Variants in TLK2 observed in about 807,000 individuals in gnomAD.
TLK2 encodes the protein tousled like kinase 2.
In TLK2, 6 loss-of-function variants were observed where a neutral mutation model predicts 117.3. That is an observed-to-expected ratio of 0.05 (90% CI 0.03 to 0.10). The LOEUF (loss-of-function observed/expected upper bound fraction) is 0.10. TLK2 is among the 10% of genes least tolerant of loss of function. The pLI, the probability that TLK2 is intolerant of heterozygous loss-of-function variation, is 1.00. For synonymous variants in TLK2, 257 were observed against 316.7 expected, an observed-to-expected ratio of 0.81 and a Z score of 2.00; for missense variants, 299 against 901.2, an observed-to-expected ratio of 0.33 and a Z score of 8.56.
At chr17:62,611,822 A>T (rs1338107492) in intron 21 of TLK2, 1 of 152,206 alleles carries the variant, frequency 6.6e-6, no homozygotes, top group Non-Finnish European at 1.5e-5. Context: ...TCCGTGTGCA[A>T]CCCCACTCAC....
At position 62,587,402 on chromosome 17, in the gene TLK2, G is replaced by T. The variant is rs115207138; in HGVS notation, c.1460+1176G>T. 5.3e-3 allele frequency among the ~76,000 whole-genome samples: 798 copies of T among 151,996 alleles called. 5 individuals are homozygous for T. The highest frequency in any genetic ancestry group is 0.018 in the African/African-American group (758 of 41,444). Reference sequence around the variant, plus strand: ...CCTCCTTTCTATAAAGGCAGTCTTGGTTTTTTTTGGTGTTTTGTTTGTTTG... The same window carrying T: ...CCTCCTTTCTATAAAGGCAGTCTTGTTTTTTTTTGGTGTTTTGTTTGTTTG... On this transcript the variant is annotated intron_variant, in intron 16 of 21. Transcript: ENST00000346027.
chr17:62,525,425 T>C (rs536150945), intron 6 of TLK2, among the ~76,000 whole-genome samples: 3 of 151,980 alleles, frequency 2.0e-5, no homozygotes, highest in African/African-American at 7.2e-5. Context: ...TGGCTATTAC[T>C]GTGTCATCCT....
chr17:62,608,503 G>A (rs1486839286), intron 21 of TLK2, among the ~76,000 whole-genome samples: 1 of 152,178 alleles, frequency 6.6e-6, no homozygotes, highest in Non-Finnish European at 1.5e-5. Context: ...GATTAATTTG[G>A]GGAGCTAATG....
chr17:62,582,208 G>T (rs2081271714), intron 15 of TLK2, among the ~76,000 whole-genome samples: 1 of 151,894 alleles, frequency 6.6e-6, no homozygotes, highest in African/African-American at 2.4e-5. Flanking sequence ...GTCAGTTTTG[G>T]TAATTTAATT....
intron 6 of TLK2, among the ~76,000 whole-genome samples, chr17:62,526,608 A>G (rs2465437): frequency 0.33 from 49,617 of 151,870 alleles, 8,288 homozygotes; most frequent in Admixed American, 0.39. Context: ...GTACTGCTTG[A>G]GCATGTCCAA....
intron 2 of TLK2, among the ~76,000 whole-genome samples, chr17:62,506,222 C>G (rs914474917): frequency 1.3e-4 from 20 of 152,232 alleles, no homozygotes; most frequent in Non-Finnish European, 5.9e-5. Flanking sequence ...TGGTGGAAAG[C>G]TCTCCCAACT....
chr17:62,573,083 C>A (rs908430723), intron 11 of TLK2, 132 bp from the exon 12 acceptor site: 93 of 1,001,342 alleles, frequency 9.3e-5, no homozygotes, highest in Non-Finnish European at 3.3e-5. Flanking sequence ...AAGTTAAAAT[C>A]AAATCTCTAC....
intron 2 of TLK2, among the ~76,000 whole-genome samples, chr17:62,506,585 T>C (rs1279931178): frequency 6.6e-6 from 1 of 152,214 alleles, no homozygotes; most frequent in Non-Finnish European, 1.5e-5. Context: ...CTAAACTTAT[T>C]GGTCACTGAA....
chr17:62,547,291 T>A (rs1212760977), intron 7 of TLK2, among the ~76,000 whole-genome samples: 3 of 152,166 alleles, frequency 2.0e-5, no homozygotes, highest in African/African-American at 7.2e-5. Flanking sequence ...AAAATGTATT[T>A]AGCTTAGTGG....
intron 2 of TLK2, among the ~76,000 whole-genome samples, chr17:62,485,678 G>T (rs1050567204): frequency 4.0e-4 from 52 of 128,732 alleles, no homozygotes; most frequent in Admixed American, 2.0e-3. Flanking sequence ...CTGATGAGGG[G>T]AAAGTAGTAA....
chr17:62,495,940 A>G (rs1442307747), intron 2 of TLK2, among the ~76,000 whole-genome samples: 8 of 151,950 alleles, frequency 5.3e-5, no homozygotes, highest in African/African-American at 1.9e-4. Context: ...TGCTGTGATT[A>G]CAGGTGTAAG....
intron 7 of TLK2, among the ~76,000 whole-genome samples, chr17:62,547,049 T>A (rs535909601): frequency 6.6e-6 from 1 of 152,340 alleles, no homozygotes; most frequent in East Asian, 1.9e-4. Context: ...TCTCTGAACC[T>A]ATTTTATTTT....
At chr17:62,572,563 A>G (rs894346739) in intron 11 of TLK2, among the ~76,000 whole-genome samples, 1 of 152,162 alleles carries the variant, frequency 6.6e-6, no homozygotes, top group South Asian at 2.1e-4. Flanking sequence ...ATACTAATTC[A>G]TTTTGTATAC....
At chr17:62,562,800 C>T (rs1243153941) in intron 10 of TLK2, among the ~76,000 whole-genome samples, 1 of 152,180 alleles carries the variant, frequency 6.6e-6, no homozygotes, top group African/African-American at 2.4e-5. Context: ...AGCAGTTCCT[C>T]TCCTGGCATT....
intron 2 of TLK2, among the ~76,000 whole-genome samples, chr17:62,482,650 C>T (rs2071821606): frequency 6.6e-6 from 1 of 151,968 alleles, no homozygotes; most frequent in Non-Finnish European, 1.5e-5. Flanking sequence ...AGGGTTTCTC[C>T]ATGTTGGCCA....
chr17:62,557,957 T>C (rs2078979854), intron 9 of TLK2, among the ~76,000 whole-genome samples: 1 of 152,148 alleles, frequency 6.6e-6, no homozygotes, highest in Admixed American at 6.6e-5. Flanking sequence ...AAGGAGTAGA[T>C]AAATAAAAAA....
chr17:62,511,799 A>C (rs915518947), intron 2 of TLK2, among the ~76,000 whole-genome samples: 4 of 152,202 alleles, frequency 2.6e-5, no homozygotes, highest in African/African-American at 9.6e-5. Context: ...AGTACACTTT[A>C]CTTAACCATT....
Position 62,574,424 on chromosome 17 carries a change from A to T in TLK2, c.1121+1057A>T, listed in dbSNP as rs1171659024. 5 of 1,106,824 alleles carry T rather than the reference A, an allele frequency of 4.5e-6. No homozygotes were observed. The East Asian group carries it at 1.3e-4, about 28-fold the overall frequency. The allele number at this position is 1,106,824 out of a possible 1,614,324, so 68.6% of individuals were successfully genotyped here. ...CAGTTTACTTAGGTGAGATGAACAG[A>T]CGAATAAACTAATAATTACATTAAG... On this transcript the variant is annotated intron_variant, in intron 12 of 21. Coordinates refer to ENST00000346027, the MANE Select transcript of TLK2 (RefSeq NM_006852.6).
intron 6 of TLK2, among the ~76,000 whole-genome samples, chr17:62,532,566 A>C (rs997032925): frequency 6.6e-6 from 1 of 152,200 alleles, no homozygotes; most frequent in Admixed American, 6.5e-5. Flanking sequence ...AAGGAAAATT[A>C]TTTCCTTTAT....
Sources: allele counts gnomAD v4.1 joint callset (sites outside exome capture counted in the v4.1 genomes callset), GRCh38; gene constraint gnomAD v4.1.1; transcripts MANE v1.5; gene names NCBI Gene and HGNC (gene_info 2026-07-23, HGNC 2026-07-21).